NAALADL2: variants seen among roughly 807,000 people sequenced by gnomAD.
The protein encoded by NAALADL2 is inactive N-acetylated-alpha-linked acidic dipeptidase-like protein 2.
NAALADL2 carries 76 observed loss-of-function variants against 87.2 expected under a neutral mutation model. The observed-to-expected ratio is 0.87, with a 90% CI of 0.72 to 1.05. The LOEUF is 1.05. Ranked by LOEUF, NAALADL2 falls within the 50% of genes least tolerant of loss-of-function variation. The pLI is 0.00. For missense variants in NAALADL2, 1,089 were observed against 945.8 expected (o/e 1.15, Z -1.99); for synonymous variants, 354 against 331.0 (o/e 1.07, Z -0.75).
intron 3 of NAALADL2, among the ~76,000 whole-genome samples, chr3:174,766,610 G>A (rs1290597648): frequency 6.6e-6 from 1 of 152,100 alleles, no homozygotes; most frequent in South Asian, 2.1e-4. Flanking sequence ...ATCTGTTTTT[G>A]TTGTTATTTC....
chr3:174,796,615 G>A (rs970402440), intron 3 of NAALADL2, among the ~76,000 whole-genome samples: 2 of 131,668 alleles, frequency 1.5e-5, no homozygotes, highest in Non-Finnish European at 3.3e-5. Flanking sequence ...TTTTGAATCC[G>A]TTCATGTGGA....
At chr3:174,779,028 G>A (rs1297179151) in intron 3 of NAALADL2, among the ~76,000 whole-genome samples, 1 of 152,160 alleles carries the variant, frequency 6.6e-6, no homozygotes, top group African/African-American at 2.4e-5. Flanking sequence ...GGTATTTCTA[G>A]TTCTAGATCC....
chr3:174,857,223 G>A (rs1489539038), upstream of NAALADL2, among the ~76,000 whole-genome samples: 1 of 152,132 alleles, frequency 6.6e-6, no homozygotes, highest in African/African-American at 2.4e-5. Flanking sequence ...AAACGTCCTG[G>A]AAGAAATTTT....
chr3:174,691,049 A>G (rs1397246481), intron 2 of NAALADL2, among the ~76,000 whole-genome samples: 3 of 152,162 alleles, frequency 2.0e-5, no homozygotes, highest in Non-Finnish European at 4.4e-5. Flanking sequence ...GTTATGCTAT[A>G]TACCCATCTA....
intron 1 of NAALADL2, among the ~76,000 whole-genome samples, chr3:174,972,256 G>C (rs1339920429): frequency 1.3e-5 from 2 of 152,156 alleles, no homozygotes; most frequent in Non-Finnish European, 2.9e-5. Context: ...TTGTCTTTCA[G>C]TTTGTTAAAC....
At chr3:174,921,765 G>A (rs1442937765) in intron 1 of NAALADL2, among the ~76,000 whole-genome samples, 10 of 142,556 alleles carry the variant, frequency 7.0e-5, no homozygotes, top group African/African-American at 8.0e-5. Context: ...AGATTGTGCC[G>A]TTGCACTCTG....
At chr3:175,472,002 A>AGAAG (rs1211478539) in intron 9 of NAALADL2, among the ~76,000 whole-genome samples, 1 of 151,988 alleles carries the variant, frequency 6.6e-6, no homozygotes, top group African/African-American at 2.4e-5. Context: ...ACAGTTATAG[A>AGAAG]GAAGGTATAC....
At chr3:175,624,655 T>C (rs1179726251) in intron 10 of NAALADL2, among the ~76,000 whole-genome samples, 7 of 152,056 alleles carry the variant, frequency 4.6e-5, no homozygotes, top group African/African-American at 9.7e-5. Context: ...ACATGGTATG[T>C]ATAATACATA....
intron 1 of NAALADL2, 84 bp from the exon 2 acceptor site, chr3:175,096,706 A>T: frequency 2.4e-6 from 2 of 820,306 alleles, no homozygotes; most frequent in Non-Finnish European, 3.6e-6. Flanking sequence ...AACACTCAAT[A>T]TGGCTTACTG....
At chr3:174,773,236 AGAG>A (rs1381840887) in intron 3 of NAALADL2, among the ~76,000 whole-genome samples, 1 of 152,192 alleles carries the variant, frequency 6.6e-6, no homozygotes, top group Non-Finnish European at 1.5e-5. Flanking sequence ...ATAGAAATAG[AGAG>A]GAGAAGGTAT....
At chr3:175,612,261 T>C (rs1560849257) in intron 10 of NAALADL2, among the ~76,000 whole-genome samples, 1 of 152,174 alleles carries the variant, frequency 6.6e-6, no homozygotes, top group Non-Finnish European at 1.5e-5. Context: ...TAAACAACCA[T>C]TCATTTCTAG....
intron 2 of NAALADL2, among the ~76,000 whole-genome samples, chr3:175,185,218 T>C (rs1299812229): frequency 2.0e-5 from 3 of 152,080 alleles, no homozygotes; most frequent in African/African-American, 4.8e-5. Context: ...TTCTGATAAA[T>C]TGGGATGACT....
intron 2 of NAALADL2, among the ~76,000 whole-genome samples, chr3:175,165,246 T>A (rs1580757643): frequency 1.3e-5 from 2 of 152,140 alleles, no homozygotes; most frequent in African/African-American, 4.8e-5. Flanking sequence ...TGTTTTAAAG[T>A]TAGTCTTATT....
intron 9 of NAALADL2, among the ~76,000 whole-genome samples, chr3:175,526,457 T>C (rs1027431344): frequency 6.6e-6 from 1 of 152,244 alleles, no homozygotes; most frequent in Non-Finnish European, 1.5e-5. Context: ...ATTTAGATTT[T>C]GCTTAAAATG....
intron 3 of NAALADL2, among the ~76,000 whole-genome samples, chr3:174,777,677 C>G (rs1477151290): frequency 1.3e-5 from 2 of 152,204 alleles, no homozygotes; most frequent in Admixed American, 1.3e-4. Context: ...TTCTTTCTGT[C>G]TGGATGAGAA....
intron 4 of NAALADL2, among the ~76,000 whole-genome samples, chr3:175,319,547 C>G (rs1426098559): frequency 6.6e-6 from 1 of 152,138 alleles, no homozygotes; most frequent in Non-Finnish European, 1.5e-5. Flanking sequence ...GGGCAGGGCG[C>G]GGTGGCTCAC....
intron 3 of NAALADL2, among the ~76,000 whole-genome samples, chr3:175,253,330 A>G (rs1405455400): frequency 6.6e-6 from 1 of 152,204 alleles, no homozygotes; most frequent in African/African-American, 2.4e-5. Context: ...AAATGGAACA[A>G]CAAAGACTGG....
At chr3:174,455,941 T>G (rs981885026) in intron 1 of NAALADL2, among the ~76,000 whole-genome samples, 1 of 152,142 alleles carries the variant, frequency 6.6e-6, no homozygotes, top group South Asian at 2.1e-4. Flanking sequence ...GTGCAGACAT[T>G]ATTCAATATG....
chr3:174,483,984 A>G (rs1223079923), intron 1 of NAALADL2, among the ~76,000 whole-genome samples: 2 of 152,124 alleles, frequency 1.3e-5, no homozygotes, highest in East Asian at 3.9e-4. Flanking sequence ...GATAATAGCC[A>G]GTAGAACAGG....
Sources: allele counts gnomAD v4.1 joint callset (sites outside exome capture counted in the v4.1 genomes callset), GRCh38; gene constraint gnomAD v4.1.1; transcripts MANE v1.5; gene names NCBI Gene and HGNC (gene_info 2026-07-23, HGNC 2026-07-21).